Variants in GABRB1 observed in about 807,000 individuals in gnomAD.
GABRB1 encodes the protein gamma-aminobutyric acid receptor subunit beta-1.
Under a neutral mutation model 51.6 loss-of-function variants are expected in GABRB1, and 17 were observed. The observed-to-expected ratio is 0.33, with a 90% CI of 0.23 to 0.49. The LOEUF is 0.49. Among genes scored for constraint, GABRB1 ranks in the 20% least tolerant of loss-of-function variants. The pLI is 0.99. For missense variants in GABRB1, 410 were observed against 600.6 expected, an observed-to-expected ratio of 0.68 and a Z score of 3.32; for synonymous variants, 247 against 218.9, an observed-to-expected ratio of 1.13 and a Z score of -1.14.
chr4:47,409,438 G>A (rs1019197207), intron 8 of GABRB1, among the ~76,000 whole-genome samples: 58 of 152,254 alleles, frequency 3.8e-4, no homozygotes, highest in Admixed American at 2.6e-3. Flanking sequence ...TGGCCATCCC[G>A]CGGCCATCTC....
chr4:47,209,977 T>A (rs1332835912), intron 4 of GABRB1, among the ~76,000 whole-genome samples: 1 of 152,108 alleles, frequency 6.6e-6, no homozygotes, highest in Admixed American at 6.6e-5. Flanking sequence ...GAGATAGGCA[T>A]TGTATTTCAA....
In GABRB1 at chr4:47,235,737, T is replaced by C. The variant is rs562769273; in HGVS notation, c.461+74268T>C. 2.0e-5 allele frequency among the ~76,000 whole-genome samples: 3 copies of C among 152,224 alleles called. No individual in the cohort carries two copies. In the East Asian group the frequency reaches 5.8e-4, roughly 29 times the overall value. ...CTCCTTAGTATACCACATATCACCCTAAAATATTTGAATATTCTAGTCTAG... is the reference window on the plus strand; with the variant it reads ...CTCCTTAGTATACCACATATCACCCCAAAATATTTGAATATTCTAGTCTAG... On this transcript the variant is annotated intron_variant, in intron 4 of 8. Transcript: ENST00000295454.
intron 5 of GABRB1, among the ~76,000 whole-genome samples, chr4:47,377,167 G>C (rs951968469): frequency 6.6e-6 from 1 of 152,152 alleles, no homozygotes; most frequent in African/African-American, 2.4e-5. Flanking sequence ...TTTTGAGACG[G>C]AGTTTTGCTC....
chr4:47,005,537 T>A (rs1234834692), intron 1 of GABRB1, among the ~76,000 whole-genome samples: 3 of 151,964 alleles, frequency 2.0e-5, no homozygotes, highest in Non-Finnish European at 2.9e-5. Flanking sequence ...CAGTATCTGA[T>A]AAGGATCCAT....
Position 47,406,606 on chromosome 4 carries a change from G to A in GABRB1, c.836-76G>A, listed in dbSNP as rs573622433. The stretch of plus-strand genomic sequence containing the variant: ...GGCACCAATAAGGAAGTGGCAAATG[G>A]CATCTGTCCTCTCAATCTTGAAAAA... On this transcript the variant is annotated intron_variant, in intron 7 of 8. Coordinates refer to ENST00000295454, the MANE Select transcript of GABRB1 (RefSeq NM_000812.4). 199 of 1,571,734 alleles carry A rather than the reference G, an allele frequency of 1.3e-4. No homozygotes were observed. In the African/African-American group the frequency reaches 2.4e-3, roughly 19 times the overall value.
chr4:47,284,752 A>G (rs1436018326), intron 4 of GABRB1, among the ~76,000 whole-genome samples: 2 of 152,222 alleles, frequency 1.3e-5, no homozygotes, highest in African/African-American at 2.4e-5. Context: ...TAAAAGCCCT[A>G]AAGAGTGGAC....
At chr4:47,354,280 T>C (rs930774989) in intron 5 of GABRB1, among the ~76,000 whole-genome samples, 1 of 152,022 alleles carries the variant, frequency 6.6e-6, no homozygotes, top group Non-Finnish European at 1.5e-5. Flanking sequence ...TCACAATTTT[T>C]TATTATACTT....
intron 5 of GABRB1, among the ~76,000 whole-genome samples, chr4:47,322,045 G>C (rs555467742): frequency 1.3e-5 from 2 of 152,196 alleles, no homozygotes; most frequent in South Asian, 4.2e-4. Context: ...ATTTTTAAAA[G>C]ATGACTTTAA....
chr4:47,145,726 T>G (rs1192411125), intron 3 of GABRB1, among the ~76,000 whole-genome samples: 2 of 152,044 alleles, frequency 1.3e-5, no homozygotes, highest in Non-Finnish European at 2.9e-5. Context: ...CTTCACATAC[T>G]TCTGAAACCA....
intron 5 of GABRB1, among the ~76,000 whole-genome samples, chr4:47,380,959 A>G (rs1727574172): frequency 6.6e-6 from 1 of 152,154 alleles, no homozygotes. Context: ...AATTTTTCAG[A>G]CACTTCAGAT....
chr4:47,342,809 T>A (rs191500320), intron 5 of GABRB1, among the ~76,000 whole-genome samples: 1 of 151,798 alleles, frequency 6.6e-6, no homozygotes, highest in Admixed American at 6.6e-5. Flanking sequence ...CACTAAGGGG[T>A]CCAACAACCT....
chr4:47,351,322 C>G (rs898589883), intron 5 of GABRB1, among the ~76,000 whole-genome samples: 1 of 152,116 alleles, frequency 6.6e-6, no homozygotes, highest in African/African-American at 2.4e-5. Context: ...TAATAATTCC[C>G]CCCAAAAAAT....
chr4:47,282,135 G>A (rs571496489), intron 4 of GABRB1, among the ~76,000 whole-genome samples: 14 of 151,628 alleles, frequency 9.2e-5, no homozygotes, highest in Middle Eastern at 3.4e-3. Context: ...TCAAAACATC[G>A]CCTTGTACCC....
In GABRB1 at chr4:47,293,892, T is replaced by C. The variant is rs1381114009; in HGVS notation, c.462-26235T>C. Among the ~76,000 whole-genome samples the C allele has an allele frequency of 2.6e-5, 4 of 152,198 alleles. No homozygotes were observed. The East Asian group carries it at 7.7e-4, about 29-fold the overall frequency. Reference sequence around the variant, plus strand: ...GAAAATTGTCCATTATACATAAGCATTTCAGCTGACTAGCAGAACTTATGA... The same window carrying C: ...GAAAATTGTCCATTATACATAAGCACTTCAGCTGACTAGCAGAACTTATGA... On this transcript the variant is annotated intron_variant, in intron 4 of 8. Transcript: ENST00000295454.
chr4:47,358,852 T>G (rs1726690030), intron 5 of GABRB1, among the ~76,000 whole-genome samples: 1 of 152,170 alleles, frequency 6.6e-6, no homozygotes, highest in Non-Finnish European at 1.5e-5. Context: ...GGAATTTTTC[T>G]GAGTTTGGGT....
chr4:47,037,845 G>A lies in GABRB1; in HGVS notation c.240+5361G>A, dbSNP rs183894356. ...AACTGAGGCTGAGAGAGCGGGAAATGTTGTTAGGTTAAATACCTTACTCAG... is the reference window on the plus strand; with the variant it reads ...AACTGAGGCTGAGAGAGCGGGAAATATTGTTAGGTTAAATACCTTACTCAG... On this transcript the variant is annotated intron_variant, in intron 3 of 8. Coordinates refer to ENST00000295454, the MANE Select transcript of GABRB1 (RefSeq NM_000812.4). 8.5e-5 allele frequency among the ~76,000 whole-genome samples: 13 copies of A among 152,216 alleles called. No individual in the cohort carries two copies. In the East Asian group the frequency reaches 2.1e-3, roughly 25 times the overall value.
chr4:47,267,866 A>G (rs1222117356), intron 4 of GABRB1, among the ~76,000 whole-genome samples: 2 of 152,168 alleles, frequency 1.3e-5, no homozygotes, highest in Admixed American at 1.3e-4. Context: ...ATTGGAAAAA[A>G]AAAGTAAGTT....
At chr4:47,164,472 G>A (rs1314229338) in intron 4 of GABRB1, among the ~76,000 whole-genome samples, 1 of 151,968 alleles carries the variant, frequency 6.6e-6, no homozygotes, top group African/African-American at 2.4e-5. Context: ...GAGTAATTAA[G>A]AGAATCAAAC....
chr4:47,121,444 T>C (rs1488343618), intron 3 of GABRB1, among the ~76,000 whole-genome samples: 3 of 152,212 alleles, frequency 2.0e-5, no homozygotes, highest in African/African-American at 7.2e-5. Flanking sequence ...ATCACTCACC[T>C]GAGTTTTGGT....
Sources: allele counts gnomAD v4.1 joint callset (sites outside exome capture counted in the v4.1 genomes callset), GRCh38; gene constraint gnomAD v4.1.1; transcripts MANE v1.5; gene names NCBI Gene and HGNC (gene_info 2026-07-23, HGNC 2026-07-21).